Variants in CCDC102B observed in about 807,000 individuals in gnomAD.
The protein encoded by CCDC102B is coiled-coil domain-containing protein 102B.
Under a neutral mutation model 57.4 loss-of-function variants are expected in CCDC102B, and 75 were observed. That is an observed-to-expected ratio of 1.31 (90% CI 1.08 to 1.58). CCDC102B has a LOEUF of 1.58. Among genes scored for constraint, CCDC102B ranks in the 40% most tolerant of loss-of-function variants. The pLI is 0.00. For missense variants in CCDC102B, 636 were observed against 582.6 expected, an observed-to-expected ratio of 1.09 and a Z score of -0.94; for synonymous variants, 206 against 201.9, an observed-to-expected ratio of 1.02 and a Z score of -0.17.
chr18:69,022,211 ATATATATATAT>A (rs2051856443), intron 7 of CCDC102B, among the ~76,000 whole-genome samples: 9 of 36,980 alleles, frequency 2.4e-4, no homozygotes, highest in East Asian at 1.3e-3. Flanking sequence ...ATATATATAT[ATATATATATAT>A]AACACACACA....
At chr18:68,888,186 C>T (rs2039955144) in intron 5 of CCDC102B, among the ~76,000 whole-genome samples, 1 of 151,822 alleles carries the variant, frequency 6.6e-6, no homozygotes, top group African/African-American at 2.4e-5. Context: ...CAATAGTAGC[C>T]TATGTAAGAA....
At chr18:68,954,858 A>G (rs989600590) in intron 6 of CCDC102B, among the ~76,000 whole-genome samples, 11 of 152,310 alleles carry the variant, frequency 7.2e-5, no homozygotes, top group Admixed American at 7.2e-4. Context: ...AATATTTGCA[A>G]TTACTTATGT....
intron 1 of CCDC102B, among the ~76,000 whole-genome samples, chr18:68,821,652 C>G (rs1342260999): frequency 6.6e-6 from 1 of 151,616 alleles, no homozygotes; most frequent in Admixed American, 6.6e-5. Context: ...TCCTTCTTTT[C>G]TTCTCCTTCT....
intron 3 of CCDC102B, among the ~76,000 whole-genome samples, chr18:68,845,199 A>G (rs752499645): frequency 6.6e-6 from 1 of 151,878 alleles, no homozygotes; most frequent in African/African-American, 2.4e-5. Context: ...TTATCATAGT[A>G]TTGTTACCAG....
intron 6 of CCDC102B, chr18:68,897,680 G>A: frequency 7.3e-7 from 1 of 1,371,432 alleles, no homozygotes; most frequent in East Asian, 3.4e-5. Flanking sequence ...GAAGAAAAAT[G>A]AAGTAAGAAA....
intron 6 of CCDC102B, among the ~76,000 whole-genome samples, chr18:68,994,279 G>A (rs1467415806): frequency 6.6e-6 from 1 of 152,186 alleles, no homozygotes; most frequent in African/African-American, 2.4e-5. Context: ...GAAGTATACA[G>A]TGAAGTTTGT....
At chr18:68,739,012 TAGACC>T (rs2033270129) in intron 2 of CCDC102B, among the ~76,000 whole-genome samples, 1 of 151,566 alleles carries the variant, frequency 6.6e-6, no homozygotes. Context: ...TTTTTTTTTT[TAGACC>T]AGGTCTTGCT....
chr18:68,942,460 G>T (rs936210307), intron 6 of CCDC102B, among the ~76,000 whole-genome samples: 1 of 152,044 alleles, frequency 6.6e-6, no homozygotes, highest in African/African-American at 2.4e-5. Flanking sequence ...TCATTATCGG[G>T]CGTTTCTCAG....
chr18:68,849,665 T>A (rs2144829658), intron 4 of CCDC102B, among the ~76,000 whole-genome samples: 1 of 152,222 alleles, frequency 6.6e-6, no homozygotes, highest in Non-Finnish European at 1.5e-5. Flanking sequence ...ATAGCTGCCT[T>A]CCAAGTAATT....
chr18:68,989,861 G>A (rs1384728333), intron 6 of CCDC102B, among the ~76,000 whole-genome samples: 2 of 152,090 alleles, frequency 1.3e-5, no homozygotes, highest in African/African-American at 4.8e-5. Context: ...GCCACTAACC[G>A]CTCCGCTATC....
intron 1 of CCDC102B, among the ~76,000 whole-genome samples, chr18:68,815,697 C>G (rs1037189358): frequency 6.6e-6 from 1 of 151,900 alleles, no homozygotes; most frequent in Non-Finnish European, 1.5e-5. Context: ...CACACACACA[C>G]ACACACACAC....
Position 69,054,880 on chromosome 18 carries a change from TGTGG to T in CCDC102B, c.*744_*747del. The T allele has an allele frequency of 1.0e-6, 1 of 985,344 alleles. No homozygotes were observed. The allele number at this position is 985,344 out of a possible 1,614,324, so 61.0% of individuals were successfully genotyped here. A position where few individuals can be genotyped will look rare whatever the true frequency, so the allele number is the denominator to read the frequency against. On this transcript the variant is annotated 3_prime_UTR_variant, in exon 8 of 8. Coordinates refer to ENST00000360242, the MANE Select transcript of CCDC102B (RefSeq NM_024781.3). Reference sequence around the variant, plus strand: ...GGTAGAAATCAGGCCAAAATTAAGCTGTGGTTTCCCTCTGAGTAGTGGGAATAGA... The same window carrying T: ...GGTAGAAATCAGGCCAAAATTAAGCTTTTCCCTCTGAGTAGTGGGAATAGA...
intron 6 of CCDC102B, among the ~76,000 whole-genome samples, chr18:68,903,026 C>A (rs1375667146): frequency 6.6e-6 from 1 of 151,976 alleles, no homozygotes; most frequent in Non-Finnish European, 1.5e-5. Flanking sequence ...TTAAGATAAG[C>A]AATAATTTGT....
Position 68,837,215 on chromosome 18 carries a change from A to G in CCDC102B, c.452A>G (p.Glu151Gly). The G allele has an allele frequency of 6.2e-7, 1 of 1,614,152 alleles. No individual in the cohort carries two copies. The highest frequency in any genetic ancestry group is 8.5e-7 in the Non-Finnish European group (1 of 1,180,020). ...QSLPPQKEAL[E>G]AKVTQDLKLP... Reference sequence around the variant, plus strand: ...TTGCCACCTCAGAAGGAGGCATTAGAAGCTAAAGTTACCCAGGATCTGAAG... The same window carrying G: ...TTGCCACCTCAGAAGGAGGCATTAGGAGCTAAAGTTACCCAGGATCTGAAG... The change falls in exon 2 of 8, where the codon GAA (glutamate) becomes GGA (glycine). Residue 151 changes from glutamate to glycine, a missense_variant. Transcript: ENST00000360242.
At chr18:68,789,455 T>C (rs1350716013) in intron 2 of CCDC102B, among the ~76,000 whole-genome samples, 1 of 152,208 alleles carries the variant, frequency 6.6e-6, no homozygotes, top group Non-Finnish European at 1.5e-5. Context: ...TCCCCATCGC[T>C]TTCAGGTACC....
intron 2 of CCDC102B, among the ~76,000 whole-genome samples, chr18:68,752,710 T>G (rs1213467404): frequency 6.6e-6 from 1 of 152,222 alleles, no homozygotes; most frequent in African/African-American, 2.4e-5. Context: ...CCAACAGTAT[T>G]CCAAATTATG....
chr18:68,956,498 A>G (rs1320137652), intron 6 of CCDC102B, among the ~76,000 whole-genome samples: 1 of 42,564 alleles, frequency 2.3e-5, no homozygotes, highest in Non-Finnish European at 3.6e-5. Flanking sequence ...TATATATAAA[A>G]TATATAATAT....
At chr18:68,874,076 T>G (rs1309528221) in intron 4 of CCDC102B, among the ~76,000 whole-genome samples, 13 of 151,874 alleles carry the variant, frequency 8.6e-5, no homozygotes, top group African/African-American at 3.1e-4. Flanking sequence ...TTCTCACCTT[T>G]CTGTTTTTTT....
chr18:69,005,414 A>G (rs974167779), intron 6 of CCDC102B, among the ~76,000 whole-genome samples: 5 of 152,104 alleles, frequency 3.3e-5, no homozygotes, highest in African/African-American at 1.2e-4. Context: ...ATAGATGGAG[A>G]AATTTATAAA....
Sources: gnomAD v4.1 joint callset for allele counts (sites outside exome capture counted in the v4.1 genomes callset) on GRCh38, gnomAD v4.1.1 for gene constraint, MANE v1.5 for transcripts, NCBI Gene and HGNC (gene_info 2026-07-23, HGNC 2026-07-21) for gene names.